Variants in TNC observed in about 807,000 individuals in gnomAD.
TNC encodes the protein tenascin.
In TNC, 109 loss-of-function variants were observed where a neutral mutation model predicts 202.4. That is an observed-to-expected ratio of 0.54 (90% CI 0.46 to 0.63). The LOEUF is 0.63. TNC is among the 30% of genes least tolerant of loss of function. The probability of loss-of-function intolerance (pLI) is 0.00; values close to 1 mark genes in which losing one functional copy is unlikely to be tolerated. For synonymous variants in TNC, 1,007 were observed against 1,089.7 expected (o/e 0.92, Z 1.50); for missense variants, 2,756 against 2,833.3 (o/e 0.97, Z 0.62).
chr9:115,040,671 G>C (rs1332220276), intron 19 of TNC, among the ~76,000 whole-genome samples: 1 of 152,074 alleles, frequency 6.6e-6, no homozygotes, highest in African/African-American at 2.4e-5. Context: ...TCCCAAACTT[G>C]GACTTTTTCT....
In TNC at chr9:115,048,987, C is replaced by T. The variant is rs141783189; in HGVS notation, c.4580-455G>A. 3.1e-4 allele frequency among the ~76,000 whole-genome samples: 47 copies of T among 150,868 alleles called. No homozygotes were observed. The East Asian group carries it at 5.5e-3, about 18-fold the overall frequency. On this transcript the variant is annotated intron_variant, in intron 15 of 27. Coordinates refer to ENST00000350763, the MANE Select transcript of TNC (RefSeq NM_002160.4). ...TCCGGTATACTTCATGTGTTTCTAT[C>T]CCACTTCTAGTGCACAGTTTGAATC...
At chr9:115,027,000 T>C (rs1829545275) in intron 25 of TNC, among the ~76,000 whole-genome samples, 1 of 151,220 alleles carries the variant, frequency 6.6e-6, no homozygotes, top group Non-Finnish European at 1.5e-5. Flanking sequence ...TCCCAGCTAC[T>C]TGGGAGGCTG....
At chr9:115,045,541 ATTT>A (rs61415443) in intron 17 of TNC, among the ~76,000 whole-genome samples, 4 of 110,106 alleles carry the variant, frequency 3.6e-5, no homozygotes, top group Admixed American at 1.0e-4. Flanking sequence ...TAAGTTTTTG[ATTT>A]TTTTTTTTTT....
At chr9:115,021,597 A>T (rs1328436144) in intron 27 of TNC, among the ~76,000 whole-genome samples, 1 of 152,132 alleles carries the variant, frequency 6.6e-6, no homozygotes, top group African/African-American at 2.4e-5. Flanking sequence ...GTTCTGAAGG[A>T]GTTCAGGTCA....
chr9:115,082,065 A>G, intron 5 of TNC, 137 bp from the exon 6 acceptor site: 2 of 777,490 alleles, frequency 2.6e-6, no homozygotes, highest in Non-Finnish European at 4.0e-6. Context: ...GCATCAGATC[A>G]GTATGTAAGC....
Position 115,046,352 on chromosome 9 carries a change from GAGA to G in TNC, c.5125+55_5125+57del, listed in dbSNP as rs1037385661. 6.9e-6 allele frequency: 11 copies of G among 1,582,894 alleles called. No individual in the cohort carries two copies. In the African/African-American group the frequency reaches 8.1e-5, roughly 12 times the overall value. ...AGCTCCTGTGATTACTCAGCCCTGTGAGAAGAAGACCCCTGAGTCATGACTTTT... is the reference window on the plus strand; with the variant it reads ...AGCTCCTGTGATTACTCAGCCCTGTGAGAAGACCCCTGAGTCATGACTTTT... On this transcript the variant is annotated intron_variant, in intron 17 of 27. Coordinates refer to ENST00000350763, the MANE Select transcript of TNC (RefSeq NM_002160.4).
Position 115,019,705 on chromosome 9 carries a change from G to A in TNC, c.*1452C>T, listed in dbSNP as rs923336788. The A allele has an allele frequency of 2.6e-5, 4 of 152,124 alleles. No individual in the cohort carries two copies. The highest frequency in any genetic ancestry group is 6.5e-5 in the Admixed American group (1 of 15,276). 9.4% of individuals were successfully genotyped at this position (152,124 alleles called of 1,614,324 possible). ...CATGTACTAGCACTTAATATACACC[G>A]GGTACCATTCTAAGGGCCTCAAATG... is the stretch of plus-strand genomic sequence containing the variant. On this transcript the variant is annotated 3_prime_UTR_variant, in exon 28 of 28. Transcript: ENST00000350763.
chr9:115,048,730 G>A lies in TNC; in HGVS notation c.4580-198C>T, dbSNP rs114743925. ...GTGCAATTCTCTTAATAGCCCATGA[G>A]GTAGGTATTATTCTAATTTCACACG... On this transcript the variant is annotated intron_variant, in intron 15 of 27. Coordinates refer to ENST00000350763, the MANE Select transcript of TNC (RefSeq NM_002160.4). Among the ~76,000 whole-genome samples the A allele has an allele frequency of 3.6e-3, 555 of 152,246 alleles. 5 individuals are homozygous for A. Among genetic ancestry groups the A allele is most frequent in the African/African-American group, 0.013 (534 of 41,542 alleles).
At chr9:115,061,842 G>A (rs1018186401) in intron 13 of TNC, among the ~76,000 whole-genome samples, 1 of 152,090 alleles carries the variant, frequency 6.6e-6, no homozygotes, top group African/African-American at 2.4e-5. Context: ...GCTCATTTTT[G>A]GTGGAAAATT....
intron 13 of TNC, among the ~76,000 whole-genome samples, chr9:115,062,280 C>CA (rs1214890113): frequency 1.3e-5 from 2 of 152,006 alleles, no homozygotes; most frequent in Non-Finnish European, 2.9e-5. Flanking sequence ...TTTAAAGATA[C>CA]AAAAAGGAGG....
intron 1 of TNC, among the ~76,000 whole-genome samples, chr9:115,097,575 C>T (rs1835892128): frequency 6.6e-6 from 1 of 152,086 alleles, no homozygotes; most frequent in Non-Finnish European, 1.5e-5. Flanking sequence ...GAAAGATGGG[C>T]AAGATTCTGA....
In TNC at chr9:115,021,122, G is replaced by A; in HGVS notation, c.*35C>T. The A allele has an allele frequency of 6.6e-7, 1 of 1,520,586 alleles. No homozygotes were observed. The highest frequency in any genetic ancestry group is 1.4e-5 in the African/African-American group (1 of 73,012). 94.2% of individuals were successfully genotyped at this position (1,520,586 alleles called of 1,614,324 possible). A position where few individuals can be genotyped will look rare whatever the true frequency, so the allele number is the denominator to read the frequency against. On this transcript the variant is annotated 3_prime_UTR_variant, in exon 28 of 28. Coordinates refer to ENST00000350763, the MANE Select transcript of TNC (RefSeq NM_002160.4). ...TGGTAAAATCCTTTCCTCGCTCTGG[G>A]CCTTATTCCTCTCTCACCCAGTGGT...
intron 27 of TNC, 146 bp from the exon 28 acceptor site, chr9:115,021,413 G>A (rs908253519): frequency 1.3e-5 from 8 of 605,618 alleles, no homozygotes; most frequent in African/African-American, 5.6e-5. Context: ...GTATATCACA[G>A]CTGCCTCTTG....
intron 17 of TNC, among the ~76,000 whole-genome samples, chr9:115,043,770 G>T (rs943063755): frequency 2.0e-5 from 3 of 152,016 alleles, no homozygotes; most frequent in Admixed American, 6.6e-5. Flanking sequence ...AAACAGTGAG[G>T]TGTATAAACT....
intron 17 of TNC, among the ~76,000 whole-genome samples, chr9:115,046,189 A>C (rs1350419129): frequency 6.6e-6 from 1 of 152,210 alleles, no homozygotes; most frequent in Non-Finnish European, 1.5e-5. Flanking sequence ...TATATGAATT[A>C]TCTCATTTAA....
chr9:115,047,330 T>C (rs1831280351), intron 16 of TNC, among the ~76,000 whole-genome samples: 1 of 151,874 alleles, frequency 6.6e-6, no homozygotes, highest in Non-Finnish European at 1.5e-5. Flanking sequence ...GAACCTTTTG[T>C]GCTACATACT....
chr9:115,111,075 T>G (rs1339214724), intron 1 of TNC, among the ~76,000 whole-genome samples: 1 of 152,022 alleles, frequency 6.6e-6, no homozygotes, highest in Non-Finnish European at 1.5e-5. Context: ...GAGACGGGGT[T>G]TCACCATGGT....
Position 115,057,267 on chromosome 9 carries a change from C to T in TNC, c.4465G>A (p.Ala1489Thr). The T allele has an allele frequency of 1.2e-6, 2 of 1,614,168 alleles. No homozygotes were observed. The highest frequency in any genetic ancestry group is 8.5e-7 in the Non-Finnish European group (1 of 1,180,028). The change falls in exon 15 of 28, where the codon GCT (alanine) becomes ACT (threonine). Residue 1489 changes from alanine to threonine, a missense_variant. Coordinates refer to ENST00000350763, the MANE Select transcript of TNC (RefSeq NM_002160.4). ...LETVEYNISG[A>T]ERTAHISGLP... ...CCTGAGATATGGGCAGTTCGTTCAGCACCAGAGATATTATATTCCACAGTC... is the reference window on the plus strand; with the variant it reads ...CCTGAGATATGGGCAGTTCGTTCAGTACCAGAGATATTATATTCCACAGTC...
At chr9:115,036,424 G>A (rs774867302) in intron 20 of TNC, among the ~76,000 whole-genome samples, 183 bp from the exon 21 acceptor site, 5 of 152,046 alleles carry the variant, frequency 3.3e-5, no homozygotes, top group Non-Finnish European at 7.4e-5. Context: ...CACCTCATAC[G>A]TAAAGGATTT....
Sources: allele counts gnomAD v4.1 joint callset (sites outside exome capture counted in the v4.1 genomes callset), GRCh38; gene constraint gnomAD v4.1.1; transcripts MANE v1.5; gene names NCBI Gene and HGNC (gene_info 2026-07-23, HGNC 2026-07-21).